The following CSMD3 variants were observed in gnomAD, a reference collection of about 807,000 sequenced individuals.
CSMD3 encodes CUB and sushi domain-containing protein 3.
A neutral mutation model predicts 435.2 loss-of-function variants in CSMD3; 177 were observed. That is an observed-to-expected ratio of 0.41 (90% confidence interval 0.36 to 0.46). The LOEUF (loss-of-function observed/expected upper bound fraction) is 0.46, where lower values mean the gene tolerates loss of function less well. Among genes scored for constraint, CSMD3 ranks in the 20% least tolerant of loss-of-function variants. The pLI is 0.34. For synonymous variants in CSMD3, 1,656 were observed against 1,520.5 expected (o/e 1.09, Z -2.07); for missense variants, 4,265 against 4,504.6 (o/e 0.95, Z 1.52).
intron 63 of CSMD3, among the ~76,000 whole-genome samples, chr8:112,251,549 G>T (rs1232530140): frequency 6.6e-6 from 1 of 151,266 alleles, no homozygotes; most frequent in Non-Finnish European, 1.5e-5. Context: ...ATCATTTAAG[G>T]TAATAAAACA....
chr8:112,297,139 C>G (rs566858606), intron 53 of CSMD3, among the ~76,000 whole-genome samples: 2 of 146,942 alleles, frequency 1.4e-5, no homozygotes, highest in Non-Finnish European at 3.0e-5. Flanking sequence ...GAAATTCAAG[C>G]TTTTAATGGG....
intron 31 of CSMD3, among the ~76,000 whole-genome samples, chr8:112,489,756 A>T (rs1820502451): frequency 6.6e-6 from 1 of 152,146 alleles, no homozygotes; most frequent in Non-Finnish European, 1.5e-5. Flanking sequence ...GTTTTACTAT[A>T]CTAGAAATTA....
At position 112,326,678 on chromosome 8, in the gene CSMD3, C is replaced by T. The variant is rs540090713; in HGVS notation, c.7166-6697G>A. ...TCATTCAAAGCACCCACGTGACTTC[C>T]CAGAACGTATCTAACCATTTGTTTG... On this transcript the variant is annotated intron_variant, in intron 45 of 70. Transcript: ENST00000297405. Among the ~76,000 whole-genome samples, 177 of 152,238 alleles carry T rather than the reference C, an allele frequency of 1.2e-3. 1 individual carries two copies. The highest frequency in any genetic ancestry group is 3.9e-3 in the African/African-American group (164 of 41,562).
intron 16 of CSMD3, among the ~76,000 whole-genome samples, chr8:112,682,223 C>T (rs545608721): frequency 6.6e-6 from 1 of 151,590 alleles, no homozygotes; most frequent in African/African-American, 2.4e-5. Flanking sequence ...TTAATAAGAG[C>T]TTTTTTTAAA....
chr8:113,046,583 C>T (rs1266186039), intron 5 of CSMD3, among the ~76,000 whole-genome samples: 1 of 152,178 alleles, frequency 6.6e-6, no homozygotes, highest in East Asian at 1.9e-4. Flanking sequence ...CAAGGCCTCT[C>T]CTGGACGATT....
intron 22 of CSMD3, among the ~76,000 whole-genome samples, chr8:112,629,315 C>T (rs1271624987): frequency 2.6e-5 from 4 of 152,086 alleles, no homozygotes; most frequent in African/African-American, 9.7e-5. Flanking sequence ...AATCCTCTTG[C>T]CTCAGCCTCC....
At chr8:112,578,270 A>G (rs139999467) in intron 23 of CSMD3, among the ~76,000 whole-genome samples, 6 of 152,120 alleles carry the variant, frequency 3.9e-5, no homozygotes, top group African/African-American at 7.2e-5. Context: ...TATACGAGCT[A>G]GTATGTTTTA....
chr8:113,377,106 C>T lies in CSMD3; in HGVS notation c.178+59571G>A, dbSNP rs960680199. ...AGCTGGCGCTGGACTCCCCCAAGGG[C>T]TGCGGCGTCGTCCGGCTCTCCGGTC... On this transcript the variant is annotated intron_variant, in intron 1 of 70. Coordinates refer to ENST00000297405, the MANE Select transcript of CSMD3 (RefSeq NM_198123.2). The T allele has an allele frequency of 1.7e-5, 22 of 1,271,456 alleles. No individual in the cohort carries two copies. In the African/African-American group the frequency reaches 2.1e-4, roughly 12 times the overall value. 78.8% of individuals were successfully genotyped at this position (1,271,456 alleles called of 1,614,324 possible).
chr8:112,566,033 T>A (rs1487888428), intron 24 of CSMD3, among the ~76,000 whole-genome samples: 20 of 140,210 alleles, frequency 1.4e-4, no homozygotes, highest in African/African-American at 4.3e-4. Context: ...ATTATTTCTC[T>A]CTCTCTCTTT....
Position 112,239,180 on chromosome 8 carries a change from G to C in CSMD3, c.10469-1832C>G, listed in dbSNP as rs566247880. ...CTGTACGTCACTTCCCTTTCTTTGTGTATAAATTTGTTCTGACCATGAGGC... is the reference window on the plus strand; with the variant it reads ...CTGTACGTCACTTCCCTTTCTTTGTCTATAAATTTGTTCTGACCATGAGGC... On this transcript the variant is annotated intron_variant, in intron 66 of 70. Transcript: ENST00000297405. 2.8e-4 allele frequency among the ~76,000 whole-genome samples: 42 copies of C among 152,072 alleles called. 1 individual carries two copies. The highest frequency in any genetic ancestry group is 9.9e-4 in the African/African-American group (41 of 41,522).
At chr8:112,440,775 C>T (rs1410178769) in intron 32 of CSMD3, among the ~76,000 whole-genome samples, 2 of 152,178 alleles carry the variant, frequency 1.3e-5, no homozygotes, top group Non-Finnish European at 2.9e-5. Flanking sequence ...CAGGCTATAC[C>T]TTGGGCCCTT....
chr8:112,473,139 C>T (rs1818693969), intron 31 of CSMD3, among the ~76,000 whole-genome samples: 1 of 152,132 alleles, frequency 6.6e-6, no homozygotes. Context: ...AATACATTCA[C>T]CCACTCATCT....
chr8:112,275,773 T>G (rs1321671411), intron 59 of CSMD3, among the ~76,000 whole-genome samples: 1 of 152,104 alleles, frequency 6.6e-6, no homozygotes, highest in Non-Finnish European at 1.5e-5. Context: ...ATGATTCAAT[T>G]ATCTCTCACT....
chr8:113,376,810 C>A, intron 1 of CSMD3: 1 of 1,613,818 alleles, frequency 6.2e-7, no homozygotes. Context: ...CCGGGTTGTG[C>A]TGAAGAGGTT....
intron 63 of CSMD3, 54 bp from the exon 64 acceptor site, chr8:112,247,185 C>T (rs1814819419): frequency 4.7e-6 from 5 of 1,066,772 alleles, no homozygotes; most frequent in Non-Finnish European, 7.3e-6. Context: ...TCAAATATGG[C>T]AACAAACAGA....
chr8:112,738,183 G>A lies in CSMD3; in HGVS notation c.1973-48133C>T, dbSNP rs563852392. On this transcript the variant is annotated intron_variant, in intron 13 of 70. Transcript: ENST00000297405. ...AGTATGCTTATATGGCATTCTGAGG[G>A]CTTTTTTGAATTAGAAAATCAAAGA... Among the ~76,000 whole-genome samples the A allele has an allele frequency of 3.0e-4, 45 of 151,760 alleles. No homozygotes were observed. In the South Asian group the frequency reaches 9.3e-3, roughly 32 times the overall value.
At chr8:112,228,927 C>G in intron 69 of CSMD3, 36 bp from the exon 70 acceptor site, 3 of 1,102,896 alleles carry the variant, frequency 2.7e-6, no homozygotes, top group Non-Finnish European at 4.1e-6. Flanking sequence ...ATACACAACT[C>G]TTTTATCATA....
intron 5 of CSMD3, among the ~76,000 whole-genome samples, chr8:113,088,531 TA>T (rs1222151892): frequency 9.3e-5 from 14 of 151,028 alleles, no homozygotes; most frequent in Admixed American, 8.6e-4. Flanking sequence ...TATGCAGCCA[TA>T]AAAAAGGATA....
chr8:112,781,148 T>C (rs1221566940), intron 13 of CSMD3, among the ~76,000 whole-genome samples: 7 of 151,742 alleles, frequency 4.6e-5, no homozygotes, highest in Admixed American at 1.3e-4. Context: ...CTAAAGTCCC[T>C]GATTCCAGGT....
Sources: allele counts gnomAD v4.1 joint callset (sites outside exome capture counted in the v4.1 genomes callset), GRCh38; gene constraint gnomAD v4.1.1; transcripts MANE v1.5; gene names NCBI Gene and HGNC (gene_info 2026-07-23, HGNC 2026-07-21).